EDARADD: variants seen among roughly 807,000 people sequenced by gnomAD.
EDARADD encodes the protein EDAR associated via death domain.
Under a neutral mutation model 25.6 loss-of-function variants are expected in EDARADD, and 20 were observed. That is an observed-to-expected ratio of 0.78 (90% CI 0.55 to 1.14). The LOEUF is 1.14. Ranked by LOEUF, EDARADD falls within the 50% of genes most tolerant of loss-of-function variation. The pLI, the probability that EDARADD is intolerant of heterozygous loss-of-function variation, is 0.00. For missense variants in EDARADD, 225 were observed against 270.1 expected, an observed-to-expected ratio of 0.83 and a Z score of 1.17; for synonymous variants, 86 against 94.4, an observed-to-expected ratio of 0.91 and a Z score of 0.52.
At chr1:236,426,762 G>GC (rs1365865309) in intron 3 of EDARADD, among the ~76,000 whole-genome samples, 1 of 152,164 alleles carries the variant, frequency 6.6e-6, no homozygotes. Context: ...TGGTGTGGTG[G>GC]CACATGCCTA....
chr1:236,410,271 A>T (rs1250647115), intron 2 of EDARADD, among the ~76,000 whole-genome samples: 1 of 148,232 alleles, frequency 6.7e-6, no homozygotes, highest in Non-Finnish European at 1.5e-5. Flanking sequence ...TGGAGTCCCT[A>T]GTGTCTGTTA....
At chr1:236,447,221 T>C (rs1352453154) in intron 4 of EDARADD, among the ~76,000 whole-genome samples, 4 of 36,810 alleles carry the variant, frequency 1.1e-4, no homozygotes, top group Non-Finnish European at 3.2e-4. Context: ...TCTTTCTTTC[T>C]TTCCTTTCTT....
chr1:236,456,721 CCT>C (rs1658877571), intron 4 of EDARADD, among the ~76,000 whole-genome samples: 1 of 88,238 alleles, frequency 1.1e-5, no homozygotes, highest in Non-Finnish European at 2.5e-5. Context: ...TCCCCTCCCC[CCT>C]CCCCCTCACT....
chr1:236,482,395 T>A lies in EDARADD; in HGVS notation c.394T>A (p.Cys132Ser). ...CGTGATCAGGATAAAGCTGGATCCG[T>A]GTCACCCAACGGTGAAAAACTGGAG... ...LDVIRIKLDP[C>S]HPTVKNWRNF... The change falls in exon 6 of 6, where the codon TGT becomes AGT. Residue 132 changes from cysteine (C) to serine (S), a missense_variant. By Grantham distance (112) the Cys-to-Ser change is moderately radical. Coordinates refer to ENST00000334232, the MANE Select transcript of EDARADD (RefSeq NM_145861.4). 10 of 1,614,160 alleles carry A rather than the reference T, an allele frequency of 6.2e-6. No homozygotes were observed. Among genetic ancestry groups the A allele is most frequent in the Non-Finnish European group, 8.5e-6 (10 of 1,180,024 alleles).
intron 1 of EDARADD, among the ~76,000 whole-genome samples, chr1:236,405,438 A>G (rs924892588): frequency 6.6e-6 from 1 of 152,158 alleles, no homozygotes; most frequent in African/African-American, 2.4e-5. Context: ...ATCCAGAATA[A>G]TGGTAGTAAG....
chr1:236,377,570 A>T (rs1667237942), intron 3 of EDARADD, among the ~76,000 whole-genome samples: 1 of 147,806 alleles, frequency 6.8e-6, no homozygotes, highest in Non-Finnish European at 1.5e-5. Context: ...TTCAAACTGT[A>T]TTTTTTTGGC....
At position 236,395,482 on chromosome 1, in the gene EDARADD, C is replaced by T; in HGVS notation, c.61+977C>T. The T allele has an allele frequency of 1.3e-6, 2 of 1,506,908 alleles. No homozygotes were observed. The highest frequency in any genetic ancestry group is 1.8e-6 in the Non-Finnish European group (2 of 1,130,708). The allele number at this position is 1,506,908 out of a possible 1,614,324, so 93.3% of individuals were successfully genotyped here. On this transcript the variant is annotated intron_variant, in intron 1 of 5. Coordinates refer to ENST00000334232, the MANE Select transcript of EDARADD (RefSeq NM_145861.4). The surrounding 1 kb of genome is among the most constrained non-coding windows in gnomAD (Gnocchi z 6.9). ...AGGAGAAGAAGAAGGGAGGGGAAGG[C>T]GGAGGAGGGCAGGGGCGCGCAGAGC... is the stretch of plus-strand genomic sequence containing the variant.
At chr1:236,397,964 G>C (rs1038941425) in intron 1 of EDARADD, among the ~76,000 whole-genome samples, 1 of 151,926 alleles carries the variant, frequency 6.6e-6, no homozygotes, top group Non-Finnish European at 1.5e-5. Context: ...TCTTGAGCTC[G>C]CTTTACCCCA....
chr1:236,411,459 AC>A (rs1349546519), intron 2 of EDARADD, among the ~76,000 whole-genome samples: 5 of 151,450 alleles, frequency 3.3e-5, no homozygotes, highest in Non-Finnish European at 7.4e-5. Flanking sequence ...TTAGCACATG[AC>A]CATCTTCTCC....
At chr1:236,420,749 AT>A (rs950452597) in intron 3 of EDARADD, among the ~76,000 whole-genome samples, 12 of 150,098 alleles carry the variant, frequency 8.0e-5, no homozygotes, top group Middle Eastern at 3.5e-3. Flanking sequence ...TCAGGGGAGA[AT>A]TTTTTTTTTG....
intron 4 of EDARADD, among the ~76,000 whole-genome samples, chr1:236,438,723 CA>C (rs1658324475): frequency 6.6e-6 from 1 of 152,120 alleles, no homozygotes; most frequent in Admixed American, 6.6e-5. Context: ...CTGAATTGAG[CA>C]AAAGGTGCAC....
intron 4 of EDARADD, among the ~76,000 whole-genome samples, chr1:236,445,610 T>C (rs1314067930): frequency 6.6e-6 from 1 of 152,196 alleles, no homozygotes; most frequent in African/African-American, 2.4e-5. Flanking sequence ...CAGGGATCTT[T>C]GCCACTGGCC....
At position 236,437,981 on chromosome 1, in the gene EDARADD, C is replaced by T. The variant is rs555298593; in HGVS notation, c.219+10531C>T. Among the ~76,000 whole-genome samples the T allele has an allele frequency of 2.0e-5, 3 of 152,282 alleles. No individual in the cohort carries two copies. The East Asian group carries it at 5.8e-4, about 29-fold the overall frequency. ...TAGGCTGGTCTTGAACTCCTGACCT[C>T]AGGTGATCCGCCCACCTTGCGCCCT... On this transcript the variant is annotated intron_variant, in intron 4 of 5. Transcript: ENST00000334232.
At chr1:236,439,180 A>G (rs965062553) in intron 4 of EDARADD, among the ~76,000 whole-genome samples, 3 of 152,216 alleles carry the variant, frequency 2.0e-5, no homozygotes, top group African/African-American at 7.2e-5. Flanking sequence ...ACTGCTTGAT[A>G]GTTCATTTCT....
intron 3 of EDARADD, among the ~76,000 whole-genome samples, chr1:236,420,621 G>A (rs1465654290): frequency 2.0e-5 from 3 of 152,210 alleles, no homozygotes; most frequent in African/African-American, 7.2e-5. Flanking sequence ...AATGGTTTAG[G>A]TTTGACCTTT....
chr1:236,365,212 G>C lies in EDARADD; in HGVS notation c.-6+14373G>C, dbSNP rs150186470. On this transcript the variant is annotated intron_variant, in intron 3 of 7. Coordinates refer to the EDARADD transcript ENST00000439430. ...AGGGTCTTTCTCTGTCACTCATGCTGGAATGCAGTGGCACAATCAGGGCTC... is the reference window on the plus strand; with the variant it reads ...AGGGTCTTTCTCTGTCACTCATGCTCGAATGCAGTGGCACAATCAGGGCTC... Among the ~76,000 whole-genome samples the C allele has an allele frequency of 2.0e-5, 3 of 151,204 alleles. No individual in the cohort carries two copies. In the East Asian group the frequency reaches 5.8e-4, roughly 29 times the overall value.
At chr1:236,353,751 C>T (rs1443613124) in intron 3 of EDARADD, among the ~76,000 whole-genome samples, 1 of 150,480 alleles carries the variant, frequency 6.6e-6, no homozygotes, top group Non-Finnish European at 1.5e-5. Flanking sequence ...AGTTACTCGA[C>T]TGTGTGTAAT....
intron 5 of EDARADD, among the ~76,000 whole-genome samples, chr1:236,480,123 A>ATATC (rs1659630606): frequency 8.9e-6 from 1 of 112,568 alleles, no homozygotes; most frequent in South Asian, 2.9e-4. Flanking sequence ...ATATATATAT[A>ATATC]TATATATATA....
At chr1:236,378,826 T>C (rs888335922) in intron 3 of EDARADD, among the ~76,000 whole-genome samples, 1 of 152,178 alleles carries the variant, frequency 6.6e-6, no homozygotes, top group Non-Finnish European at 1.5e-5. Context: ...GATCATCTTG[T>C]GTACTTAAAA....
Sources: allele counts gnomAD v4.1 joint callset (sites outside exome capture counted in the v4.1 genomes callset), GRCh38; gene constraint gnomAD v4.1.1; non-coding constraint Gnocchi (gnomAD v3.1); transcripts MANE v1.5; gene names NCBI Gene and HGNC (gene_info 2026-07-23, HGNC 2026-07-21).